The following ATP13A4 variants were observed in gnomAD, a reference collection of about 807,000 sequenced individuals.
The protein encoded by ATP13A4 is probable cation-transporting ATPase 13A4.
Under a neutral mutation model 142.5 loss-of-function variants are expected in ATP13A4, and 114 were observed. The ratio of observed to expected loss-of-function variants is 0.80; its 90% CI spans 0.69 to 0.93. The LOEUF is 0.93. ATP13A4 is among the 40% of genes least tolerant of loss of function. The pLI is 0.00. For synonymous variants in ATP13A4, 488 were observed against 514.8 expected (o/e 0.95, Z 0.70); for missense variants, 1,392 against 1,454.0 (o/e 0.96, Z 0.69).
chr3:193,577,942 A>T (rs1256002717), intron 2 of ATP13A4, among the ~76,000 whole-genome samples: 1 of 152,214 alleles, frequency 6.6e-6, no homozygotes, highest in Admixed American at 6.5e-5. Flanking sequence ...AATAGAGAAT[A>T]TGTTTTAATG....
chr3:193,410,881 T>C, intron 28 of ATP13A4, 101 bp downstream of exon 28: 4 of 800,518 alleles, frequency 5.0e-6, no homozygotes, highest in Non-Finnish European at 8.6e-6. Context: ...AAAAGAATAA[T>C]TTGTGTCAAA....
At chr3:193,488,383 T>C (rs1719757861) in intron 7 of ATP13A4, among the ~76,000 whole-genome samples, 1 of 152,152 alleles carries the variant, frequency 6.6e-6, no homozygotes, top group South Asian at 2.1e-4. Context: ...GAAAATATGG[T>C]CCTAGTGGAT....
Position 193,466,141 on chromosome 3 carries a change from A to G in ATP13A4, c.1156T>C (p.Tyr386His), listed in dbSNP as rs1039376056. 2 of 1,614,120 alleles carry G rather than the reference A, an allele frequency of 1.2e-6. No individual in the cohort carries two copies. Among genetic ancestry groups the G allele is most frequent in the Admixed American group, 1.7e-5 (1 of 60,018 alleles). ...AACTGAAAATTCACTGGCTTAGGGT[A>G]GAGAATGGATCTCACAAGGTCTCCC... ...AKGDLVRSIL[Y>H]PKPVNFQLYR... Residue 386 changes from tyrosine to histidine, a missense_variant, in exon 11 of 30, where the codon TAC becomes CAC. Tyr to His is a moderately conservative substitution (Grantham distance 83, BLOSUM62 2). Coordinates refer to ENST00000342695, the MANE Select transcript of ATP13A4 (RefSeq NM_032279.4).
chr3:193,498,750 A>G (rs1577025194), intron 3 of ATP13A4, among the ~76,000 whole-genome samples: 1 of 152,324 alleles, frequency 6.6e-6, no homozygotes, highest in East Asian at 1.9e-4. Flanking sequence ...GAGAACTTCA[A>G]CTAAATTTTC....
chr3:193,433,965 G>T, intron 24 of ATP13A4, 48 bp from the exon 25 acceptor site: 1 of 1,363,026 alleles, frequency 7.3e-7, no homozygotes, highest in Non-Finnish European at 1.1e-6. Flanking sequence ...CCTTCTGGAT[G>T]AAATTAGATA....
At chr3:193,470,034 G>A (rs1198416141) in intron 9 of ATP13A4, among the ~76,000 whole-genome samples, 2 of 152,170 alleles carry the variant, frequency 1.3e-5, no homozygotes, top group Non-Finnish European at 2.9e-5. Flanking sequence ...TCCATTACCT[G>A]TCTTTCTGGG....
intron 2 of ATP13A4, among the ~76,000 whole-genome samples, chr3:193,508,322 G>A (rs561548726): frequency 3.9e-5 from 6 of 152,290 alleles, no homozygotes; most frequent in Admixed American, 1.3e-4. Context: ...ATCAAATCCA[G>A]GTACTCAGAA....
Position 193,502,647 on chromosome 3 carries a change from G to A in ATP13A4, c.235-8C>T, listed in dbSNP as rs1720617846. 1 of 1,613,328 alleles carries A rather than the reference G, an allele frequency of 6.2e-7. No homozygotes were observed. On this transcript the variant is annotated splice_polypyrimidine_tract_variant and splice_region_variant and intron_variant, in intron 2 of 29. Transcript: ENST00000342695. ...GTAAATTTGGAATTCATCCTGAGGA[G>A]ATAGACATCAAAACCCCCAAGAAGT...
chr3:193,479,439 T>C lies in ATP13A4; in HGVS notation c.808+4497A>G, dbSNP rs370500046. On this transcript the variant is annotated intron_variant, in intron 8 of 29. Transcript: ENST00000342695. The stretch of plus-strand genomic sequence containing the variant: ...GCAAAGTTTCAGGATACAAAATTAA[T>C]GTATACAAATCACTAGTTCTGCTAG... Among the ~76,000 whole-genome samples, 4 of 152,284 alleles carry C rather than the reference T, an allele frequency of 2.6e-5. No homozygotes were observed. In the East Asian group the frequency reaches 7.7e-4, roughly 29 times the overall value.
In ATP13A4 at chr3:193,400,684, T is replaced by A. The variant is rs767337899; in HGVS notation, c.*1968A>T. 2.9e-4 allele frequency among the ~76,000 whole-genome samples: 42 copies of A among 146,934 alleles called. No individual in the cohort carries two copies. Among genetic ancestry groups the A allele is most frequent in the Non-Finnish European group, 5.1e-4 (34 of 67,076 alleles). On this transcript the variant is annotated 3_prime_UTR_variant, in exon 30 of 30. Transcript: ENST00000342695. ...AGCTTTCTCATCTGTATGGTGGAGA[T>A]GATAAGCCCTTCCTTGTTCAGTCAT... is the stretch of plus-strand genomic sequence containing the variant.
At chr3:193,474,666 A>C (rs562504491) in intron 8 of ATP13A4, among the ~76,000 whole-genome samples, 160 of 149,856 alleles carry the variant, frequency 1.1e-3, no homozygotes, top group Non-Finnish European at 1.9e-3. Flanking sequence ...AAAGAAAGAA[A>C]GAAAAAGAAA....
At chr3:193,519,992 C>G (rs1721632994) in intron 1 of ATP13A4, among the ~76,000 whole-genome samples, 1 of 151,978 alleles carries the variant, frequency 6.6e-6, no homozygotes, top group Admixed American at 6.6e-5. Context: ...CTTTCTGCTC[C>G]CCTACAACGA....
chr3:193,440,699 A>G, intron 20 of ATP13A4, 62 bp from the exon 21 acceptor site: 1 of 1,533,080 alleles, frequency 6.5e-7, no homozygotes. Context: ...TGAAATAATT[A>G]CTAACACTCA....
At chr3:193,473,886 T>C (rs1202321447) in intron 8 of ATP13A4, among the ~76,000 whole-genome samples, 2 of 152,254 alleles carry the variant, frequency 1.3e-5, no homozygotes, top group African/African-American at 2.4e-5. Context: ...TGTAATTCTG[T>C]ATCTCTTTTC....
intron 8 of ATP13A4, among the ~76,000 whole-genome samples, chr3:193,473,145 C>T (rs1718717954): frequency 6.6e-6 from 1 of 152,194 alleles, no homozygotes; most frequent in Non-Finnish European, 1.5e-5. Context: ...TAAGCTAGAA[C>T]ATCTTCTTGT....
intron 19 of ATP13A4, 120 bp from the exon 20 acceptor site, chr3:193,441,708 A>AGGAATCAGAGTGAC: frequency 8.1e-7 from 1 of 1,237,278 alleles, no homozygotes; most frequent in Non-Finnish European, 1.2e-6. Context: ...AGTCACTCTG[A>AGGAATCAGAGTGAC]TTCCTCAGAG....
At chr3:193,532,969 G>GT (rs2108705252) in intron 1 of ATP13A4, among the ~76,000 whole-genome samples, 1 of 152,154 alleles carries the variant, frequency 6.6e-6, no homozygotes, top group South Asian at 2.1e-4. Flanking sequence ...AAAAAAGTGT[G>GT]TAAGAAAAAA....
chr3:193,428,680 C>T (rs891468753), intron 25 of ATP13A4, among the ~76,000 whole-genome samples: 14 of 151,290 alleles, frequency 9.3e-5, no homozygotes, highest in African/African-American at 3.4e-4. Context: ...TCTCAGCAAA[C>T]TATTGCAGGG....
intron 27 of ATP13A4, 119 bp from the exon 28 acceptor site, chr3:193,411,189 T>C (rs1257728596): frequency 2.7e-6 from 2 of 750,700 alleles, no homozygotes; most frequent in Non-Finnish European, 4.8e-6. Context: ...TACATCCAAA[T>C]ACTAGATGGA....
Sources: gnomAD v4.1 joint callset for allele counts (sites outside exome capture counted in the v4.1 genomes callset) on GRCh38, gnomAD v4.1.1 for gene constraint, MANE v1.5 for transcripts, NCBI Gene and HGNC (gene_info 2026-07-23, HGNC 2026-07-21) for gene names.